The following ITPR1 variants were observed in gnomAD, a reference collection of about 807,000 sequenced individuals.
The protein encoded by ITPR1 is inositol 1,4,5-trisphosphate-gated calcium channel ITPR1.
In ITPR1, 96 loss-of-function variants were observed where a neutral mutation model predicts 318.4. That is an observed-to-expected ratio of 0.30 (90% CI 0.26 to 0.36). The LOEUF (loss-of-function observed/expected upper bound fraction) is 0.36. Ranked by LOEUF, ITPR1 falls within the 10% of genes least tolerant of loss-of-function variation. ITPR1 has a pLI of 1.00. For synonymous variants in ITPR1, 1,312 were observed against 1,289.9 expected, an observed-to-expected ratio of 1.02 and a Z score of -0.37; for missense variants, 2,440 against 3,460.2, an observed-to-expected ratio of 0.71 and a Z score of 7.40.
intron 57 of ITPR1, among the ~76,000 whole-genome samples, chr3:4,813,827 A>G (rs2049098750): frequency 6.6e-6 from 1 of 152,238 alleles, no homozygotes; most frequent in Non-Finnish European, 1.5e-5. Context: ...AACTTCGTCC[A>G]GAGGATGGTC....
At chr3:4,735,671 G>C (rs1417270029) in intron 44 of ITPR1, 2 of 301,376 alleles carry the variant, frequency 6.6e-6, no homozygotes, top group Non-Finnish European at 1.2e-5. Context: ...ATGATTGCAT[G>C]AAGTTTATTT....
chr3:4,506,690 G>A (rs1457529969), intron 2 of ITPR1, among the ~76,000 whole-genome samples: 21 of 152,134 alleles, frequency 1.4e-4, no homozygotes, highest in Admixed American at 1.3e-3. Flanking sequence ...AAATATGTTC[G>A]ATAAGAAGGA....
At chr3:4,519,384 G>A (rs143254643) in intron 3 of ITPR1, among the ~76,000 whole-genome samples, 1,588 of 152,152 alleles carry the variant, frequency 0.01, 25 homozygotes, top group African/African-American at 0.035. Context: ...CTGCCACCAC[G>A]CCCAGCTAAT....
chr3:4,843,182 AAATGGCAGTG>A (rs2051493425), intron 61 of ITPR1, among the ~76,000 whole-genome samples: 2 of 148,602 alleles, frequency 1.3e-5, no homozygotes, highest in African/African-American at 5.0e-5. Flanking sequence ...GCAGTCACTT[AAATGGCAGTG>A]ATGTTGACTT....
intron 39 of ITPR1, among the ~76,000 whole-genome samples, chr3:4,715,804 G>C (rs913105321): frequency 1.3e-5 from 2 of 152,174 alleles, no homozygotes; most frequent in Non-Finnish European, 2.9e-5. Flanking sequence ...AGTGAGCCAA[G>C]ATTGCACCAC....
intron 4 of ITPR1, among the ~76,000 whole-genome samples, chr3:4,541,184 A>G (rs1208158186): frequency 2.0e-5 from 3 of 152,216 alleles, no homozygotes; most frequent in African/African-American, 7.2e-5. Flanking sequence ...TCATTAAAAA[A>G]ATTAACTTAC....
chr3:4,819,488 G>A lies in ITPR1; in HGVS notation c.8028+1246G>A, dbSNP rs532180870. On this transcript the variant is annotated intron_variant, in intron 60 of 61. Coordinates refer to ENST00000649015, the MANE Select transcript of ITPR1 (RefSeq NM_001378452.1). ...CAGGAGATGCCGAAGCTGCTGGCCCGGGAATCACCCTTTAAGTAGTAAGAG... is the reference window on the plus strand; with the variant it reads ...CAGGAGATGCCGAAGCTGCTGGCCCAGGAATCACCCTTTAAGTAGTAAGAG... Among the ~76,000 whole-genome samples the A allele has an allele frequency of 1.2e-4, 19 of 152,292 alleles. 1 individual carries two copies. The South Asian group carries it at 2.3e-3, about 18-fold the overall frequency.
Position 4,627,698 on chromosome 3 carries a change from T to A in ITPR1, c.164-65T>A, listed in dbSNP as rs576089005. ...ATTTTTTAAGTGGAAAGCCTTTTTTTTTTCCTTAGGCTGAGTCTCTATACA... is the reference window on the plus strand; with the variant it reads ...ATTTTTTAAGTGGAAAGCCTTTTTTATTTCCTTAGGCTGAGTCTCTATACA... On this transcript the variant is annotated intron_variant, in intron 4 of 61. Coordinates refer to ENST00000649015, the MANE Select transcript of ITPR1 (RefSeq NM_001378452.1). 5 of 935,794 alleles carry A rather than the reference T, an allele frequency of 5.3e-6. No homozygotes were observed. In the East Asian group the frequency reaches 1.2e-4, roughly 23 times the overall value. The allele number at this position is 935,794 out of a possible 1,614,324, so 58.0% of individuals were successfully genotyped here.
chr3:4,502,901 G>A (rs2081128210), intron 2 of ITPR1, among the ~76,000 whole-genome samples: 1 of 151,954 alleles, frequency 6.6e-6, no homozygotes, highest in African/African-American at 2.4e-5. Flanking sequence ...GGCCAACATG[G>A]TGAAACCCCA....
At chr3:4,763,805 A>G (rs3805009) in intron 44 of ITPR1, among the ~76,000 whole-genome samples, 118,090 of 152,224 alleles carry the variant, frequency 0.78, 45,914 homozygotes, top group East Asian at 0.92. Flanking sequence ...GTTGACAGCC[A>G]TTGGGTCACC....
intron 60 of ITPR1, 145 bp from the exon 61 acceptor site, chr3:4,836,629 A>T: frequency 1.3e-6 from 1 of 772,454 alleles, no homozygotes; most frequent in Non-Finnish European, 1.8e-6. Context: ...TTAAAAAAAT[A>T]CACAGCACAT....
chr3:4,623,627 C>A (rs1433655298), intron 4 of ITPR1, among the ~76,000 whole-genome samples: 1 of 152,164 alleles, frequency 6.6e-6, no homozygotes, highest in African/African-American at 2.4e-5. Context: ...GGGCCCAGTG[C>A]AAGTTTAATT....
At chr3:4,653,987 G>A (rs879030523) in intron 12 of ITPR1, 101 bp downstream of exon 12, 1 of 814,276 alleles carries the variant, frequency 1.2e-6, no homozygotes, top group Non-Finnish European at 2.0e-6. Context: ...CGGAGTGCTG[G>A]GGAAGGAGGA....
intron 60 of ITPR1, chr3:4,830,889 G>T: frequency 8.8e-6 from 4 of 455,798 alleles, no homozygotes; most frequent in Admixed American, 2.4e-5. Context: ...CTCTGATTTG[G>T]CTATAAAAGA....
Position 4,813,200 on chromosome 3 carries a change from T to C in ITPR1, c.7527T>C (p.Ser2509=). 1 of 1,612,546 alleles carries C rather than the reference T, an allele frequency of 6.2e-7. No individual in the cohort carries two copies. The highest frequency in any genetic ancestry group is 8.5e-7 in the Non-Finnish European group (1 of 1,179,254). Reference sequence around the variant, plus strand: ...TCTCCGATGTGTGTAGGGTGGAGAGTGGGGAGAACTGCTCCTCTCCTGCAC... The same window carrying C: ...TCTCCGATGTGTGTAGGGTGGAGAGCGGGGAGAACTGCTCCTCTCCTGCAC... The part of the protein sequence containing the change: ...FLFSDVCRVE[S]GENCSSPAPR... The change falls in exon 57 of 62, where the codon AGT becomes AGC. Residue 2509 remains serine (S), a synonymous_variant. Transcript: ENST00000649015.
intron 39 of ITPR1, 21 bp from the exon 40 acceptor site, chr3:4,717,346 C>T: frequency 6.3e-7 from 1 of 1,578,872 alleles, no homozygotes; most frequent in Non-Finnish European, 8.6e-7. Context: ...TTCTCTCTCT[C>T]TCCCCTTTTT....
At chr3:4,763,602 A>C (rs3805008) in intron 44 of ITPR1, among the ~76,000 whole-genome samples, 114,296 of 152,156 alleles carry the variant, frequency 0.75, 43,057 homozygotes, top group East Asian at 0.92. Flanking sequence ...TCTAGACCTT[A>C]TTATCCATTT....
intron 4 of ITPR1, among the ~76,000 whole-genome samples, chr3:4,592,478 A>G (rs375855282): frequency 2.0e-5 from 3 of 151,908 alleles, no homozygotes; most frequent in Non-Finnish European, 2.9e-5. Context: ...TGGATTAATC[A>G]TGGTCCTCTA....
At chr3:4,677,397 G>C (rs1356559327) in intron 24 of ITPR1, among the ~76,000 whole-genome samples, 1 of 152,210 alleles carries the variant, frequency 6.6e-6, no homozygotes, top group Non-Finnish European at 1.5e-5. Context: ...ACTGAGGACA[G>C]GGGGCTGGGG....
Sources: allele counts gnomAD v4.1 joint callset (sites outside exome capture counted in the v4.1 genomes callset), GRCh38; gene constraint gnomAD v4.1.1; transcripts MANE v1.5; gene names NCBI Gene and HGNC (gene_info 2026-07-23, HGNC 2026-07-21).